HECTD4: variants seen among roughly 807,000 people sequenced by gnomAD.
HECTD4 encodes probable E3 ubiquitin-protein ligase HECTD4.
A neutral mutation model predicts 471.5 loss-of-function variants in HECTD4; 114 were observed. That is an observed-to-expected ratio of 0.24 (90% CI 0.21 to 0.28). The LOEUF is 0.28. Among genes scored for constraint, HECTD4 ranks in the 10% least tolerant of loss-of-function variants. The pLI is 1.00. For missense variants in HECTD4, 3,866 were observed against 5,651.5 expected, an observed-to-expected ratio of 0.68 and a Z score of 10.13; for synonymous variants, 2,012 against 2,256.0, an observed-to-expected ratio of 0.89 and a Z score of 3.07.
chr12:112,275,315 TAGTC>T, intron 9 of HECTD4, among the ~76,000 whole-genome samples: 1 of 152,240 alleles, frequency 6.6e-6, no homozygotes, highest in Non-Finnish European at 1.5e-5. Flanking sequence ...ACTTGGCAGT[TAGTC>T]AGTGTTCAAT....
At chr12:112,317,982 A>G (rs1011550351) in intron 2 of HECTD4, among the ~76,000 whole-genome samples, 91 of 150,832 alleles carry the variant, frequency 6.0e-4, no homozygotes, top group Non-Finnish European at 1.0e-3. Flanking sequence ...AAAAAAAAAA[A>G]AGAGAGGAAT....
At chr12:112,337,350 T>C (rs1052825897) in intron 1 of HECTD4, among the ~76,000 whole-genome samples, 6 of 152,194 alleles carry the variant, frequency 3.9e-5, no homozygotes, top group Admixed American at 2.6e-4. Context: ...TTTCTGGGAT[T>C]AACAACTAAT....
Position 112,172,802 on chromosome 12 carries a change from A to G in HECTD4, c.11654T>C (p.Met3885Thr). Residue 3885 changes from methionine to threonine, a missense_variant, in exon 67 of 76, where the codon ATG becomes ACG. Physicochemically the swap from Met to Thr is moderately conservative, Grantham distance 81. Coordinates refer to ENST00000682272, the MANE Select transcript of HECTD4 (RefSeq NM_001388303.1). Reference sequence around the variant, plus strand: ...GATGTACTGCACAAGTGCCACGTCCATCTCCAGGGTCCACTTTCTTGAGGC... The same window carrying G: ...GATGTACTGCACAAGTGCCACGTCCGTCTCCAGGGTCCACTTTCTTGAGGC... ...QKASRKWTLE[M>T]DVALVQYINQ... is the part of the protein sequence containing the mutation. The G allele has an allele frequency of 1.2e-6, 2 of 1,613,998 alleles. No individual in the cohort carries two copies. The highest frequency in any genetic ancestry group is 2.2e-5 in the South Asian group (2 of 91,080).
At position 112,307,431 on chromosome 12, in the gene HECTD4, A is replaced by G. The variant is rs898646885; in HGVS notation, c.1165-1197T>C. On this transcript the variant is annotated intron_variant, in intron 6 of 75. Coordinates refer to ENST00000682272, the MANE Select transcript of HECTD4 (RefSeq NM_001388303.1). ...AGCCCTGCTTTCTTGGACAGTGTCA[A>G]AGTTTCTGCAACAACACTGAGGAAC... Among the ~76,000 whole-genome samples the G allele has an allele frequency of 1.4e-4, 21 of 152,204 alleles. 1 individual carries two copies. Among genetic ancestry groups the G allele is most frequent in the African/African-American group, 4.8e-4 (20 of 41,450 alleles).
At chr12:112,372,765 T>C (rs575165294) in intron 1 of HECTD4, among the ~76,000 whole-genome samples, 3 of 152,140 alleles carry the variant, frequency 2.0e-5, no homozygotes, top group Non-Finnish European at 2.9e-5. Flanking sequence ...TATTTTTGTT[T>C]GGTTTTTTTG....
chr12:112,183,311 GTCAT>G, intron 61 of HECTD4, 45 bp from the exon 62 acceptor site: 1 of 1,448,228 alleles, frequency 6.9e-7, no homozygotes, highest in South Asian at 1.2e-5. Flanking sequence ...AGCTTGACCA[GTCAT>G]TCAGTGTGAG....
intron 48 of HECTD4, among the ~76,000 whole-genome samples, chr12:112,212,910 C>G (rs2032806216): frequency 6.6e-6 from 1 of 152,170 alleles, no homozygotes; most frequent in Non-Finnish European, 1.5e-5. Flanking sequence ...ATTTTCCTGC[C>G]TCAGCCTCCA....
intron 1 of HECTD4, among the ~76,000 whole-genome samples, chr12:112,331,058 T>G (rs1222414956): frequency 7.2e-5 from 11 of 152,024 alleles, no homozygotes; most frequent in Admixed American, 7.2e-4. Context: ...GTTTTTTTGT[T>G]CTGGTGTGTT....
At chr12:112,323,925 A>C (rs998894814) in intron 1 of HECTD4, among the ~76,000 whole-genome samples, 1 of 149,942 alleles carries the variant, frequency 6.7e-6, no homozygotes, top group African/African-American at 2.5e-5. Context: ...AATAAAAATT[A>C]GAGGTATTTT....
chr12:112,282,418 G>A (rs539739907), intron 8 of HECTD4, among the ~76,000 whole-genome samples: 34 of 149,356 alleles, frequency 2.3e-4, no homozygotes, highest in Non-Finnish European at 2.8e-4. Context: ...CAACAACAAC[G>A]AAAAAAAAAG....
intron 7 of HECTD4, among the ~76,000 whole-genome samples, chr12:112,294,695 C>T (rs2034966430): frequency 6.6e-6 from 1 of 152,104 alleles, no homozygotes; most frequent in Non-Finnish European, 1.5e-5. Flanking sequence ...CTCTTGTTAG[C>T]GCTGCAACGG....
At chr12:112,326,856 CTT>C (rs1206595018) in intron 1 of HECTD4, among the ~76,000 whole-genome samples, 1 of 152,074 alleles carries the variant, frequency 6.6e-6, no homozygotes, top group East Asian at 1.9e-4. Context: ...CATCTTCTCT[CTT>C]GTCTATACAA....
intron 52 of HECTD4, among the ~76,000 whole-genome samples, chr12:112,206,958 G>A (rs915705998): frequency 3.9e-5 from 6 of 152,168 alleles, no homozygotes; most frequent in African/African-American, 1.4e-4. Context: ...AAAGGGTGCT[G>A]TGATTAGAGA....
chr12:112,205,326 C>T (rs902142197), intron 52 of HECTD4, among the ~76,000 whole-genome samples: 14 of 151,662 alleles, frequency 9.2e-5, no homozygotes, highest in African/African-American at 3.4e-4. Flanking sequence ...CCCAGCCACT[C>T]GGGAGGCTGA....
intron 47 of HECTD4, among the ~76,000 whole-genome samples, 162 bp from the exon 48 acceptor site, chr12:112,216,533 C>T (rs1398833545): frequency 6.6e-6 from 1 of 152,092 alleles, no homozygotes; most frequent in Non-Finnish European, 1.5e-5. Flanking sequence ...ATTTCCCAAA[C>T]TGTATTCCTA....
intron 1 of HECTD4, among the ~76,000 whole-genome samples, chr12:112,362,526 C>G (rs2036468404): frequency 6.6e-6 from 1 of 151,932 alleles, no homozygotes; most frequent in African/African-American, 2.4e-5. Flanking sequence ...CATCAGGAGA[C>G]CAGGTCAGAG....
At chr12:112,223,717 G>A (rs2135558077) in intron 44 of HECTD4, among the ~76,000 whole-genome samples, 1 of 152,248 alleles carries the variant, frequency 6.6e-6, no homozygotes, top group South Asian at 2.1e-4. Flanking sequence ...ACCACGTCCG[G>A]CCTTCAGGAA....
intron 7 of HECTD4, among the ~76,000 whole-genome samples, chr12:112,290,498 C>A (rs1010668180): frequency 6.6e-6 from 1 of 151,714 alleles, no homozygotes. Context: ...TCCACTCCAG[C>A]GTGGGCAAAA....
chr12:112,310,964 T>C (rs2035357720), intron 4 of HECTD4, among the ~76,000 whole-genome samples: 2 of 152,116 alleles, frequency 1.3e-5, no homozygotes, highest in Non-Finnish European at 2.9e-5. Flanking sequence ...TGTTTCAATA[T>C]TAAAAGTTAC....
Sources: gnomAD v4.1 joint callset for allele counts (sites outside exome capture counted in the v4.1 genomes callset) on GRCh38, gnomAD v4.1.1 for gene constraint, MANE v1.5 for transcripts, NCBI Gene and HGNC (gene_info 2026-07-23, HGNC 2026-07-21) for gene names.